ZNF407: variants seen among roughly 807,000 people sequenced by gnomAD.
The protein encoded by ZNF407 is zinc finger protein 407.
Under a neutral mutation model 131.2 loss-of-function variants are expected in ZNF407, and 17 were observed. The ratio of observed to expected loss-of-function variants is 0.13; its 90% CI spans 0.09 to 0.19. The LOEUF (loss-of-function observed/expected upper bound fraction) is 0.19, where lower values mean the gene tolerates loss of function less well. ZNF407 is among the 10% of genes least tolerant of loss of function. The pLI is 1.00. For synonymous variants in ZNF407, 1,156 were observed against 1,062.0 expected (o/e 1.09, Z -1.72); for missense variants, 2,681 against 2,830.6 (o/e 0.95, Z 1.20).
chr18:74,826,281 A>G (rs912384149), intron 4 of ZNF407, among the ~76,000 whole-genome samples: 7 of 151,584 alleles, frequency 4.6e-5, no homozygotes, highest in Non-Finnish European at 5.9e-5. Context: ...AACTGATAGG[A>G]GAGAGAGAGA....
rs116528969 is a variant in ZNF407, at chr18:74,820,968, C to A, written c.4877+39466C>A. Among the ~76,000 whole-genome samples the A allele has an allele frequency of 3.2e-3, 480 of 152,174 alleles. 6 individuals carry two copies. The highest frequency in any genetic ancestry group is 0.011 in the African/African-American group (451 of 41,528). ...GCACATGGTAGCAGACAGCACCAGT[C>A]GTAGGCAGAAGGCTAAGAATGCTTA... On this transcript the variant is annotated intron_variant, in intron 4 of 8. Transcript: ENST00000299687.
At chr18:74,686,208 T>G (rs969916460) in intron 3 of ZNF407, among the ~76,000 whole-genome samples, 3 of 152,210 alleles carry the variant, frequency 2.0e-5, no homozygotes, top group African/African-American at 7.2e-5. Context: ...TCCCTAGACT[T>G]TCTTTCTGGG....
chr18:74,679,825 T>G (rs905510884), intron 3 of ZNF407, among the ~76,000 whole-genome samples: 2 of 152,208 alleles, frequency 1.3e-5, no homozygotes, highest in African/African-American at 4.8e-5. Context: ...AACCCCACAG[T>G]TGTCTGTTTT....
At chr18:74,753,036 C>T (rs1968844265) in intron 3 of ZNF407, among the ~76,000 whole-genome samples, 1 of 152,046 alleles carries the variant, frequency 6.6e-6, no homozygotes, top group Non-Finnish European at 1.5e-5. Flanking sequence ...TTGTTTGTGT[C>T]CTCTTTTATT....
intron 4 of ZNF407, among the ~76,000 whole-genome samples, chr18:74,849,375 G>A (rs1970749699): frequency 6.6e-6 from 1 of 152,108 alleles, no homozygotes; most frequent in Non-Finnish European, 1.5e-5. Flanking sequence ...ACTGCACCCC[G>A]CCGTTTCTTT....
chr18:74,994,761 T>C (rs1022426874), intron 8 of ZNF407, among the ~76,000 whole-genome samples: 1 of 151,868 alleles, frequency 6.6e-6, no homozygotes, highest in African/African-American at 2.4e-5. Context: ...ACAGGAAGAA[T>C]AGATGATGGA....
intron 8 of ZNF407, among the ~76,000 whole-genome samples, chr18:74,983,915 G>T (rs1972622790): frequency 6.6e-6 from 1 of 152,208 alleles, no homozygotes; most frequent in African/African-American, 2.4e-5. Flanking sequence ...TAGCAAAGAT[G>T]AAGGGGAAAG....
rs148569714 is a variant in ZNF407 at position 74,897,808 on chromosome 18, A to G, written c.5249+7770A>G. Among the ~76,000 whole-genome samples the G allele has an allele frequency of 4.3e-3, 662 of 152,330 alleles. 5 individuals are homozygous for G. The highest frequency in any genetic ancestry group is 0.015 in the African/African-American group (632 of 41,580). ...TCTCCAGGAGGAGCTGACAGAAGTCACCTATGCATCCCTACAGTGTGGGGT... is the reference window on the plus strand; with the variant it reads ...TCTCCAGGAGGAGCTGACAGAAGTCGCCTATGCATCCCTACAGTGTGGGGT... On this transcript the variant is annotated intron_variant, in intron 7 of 8. Transcript: ENST00000299687.
At chr18:74,808,884 A>G (rs1238209222) in intron 4 of ZNF407, among the ~76,000 whole-genome samples, 8 of 152,192 alleles carry the variant, frequency 5.3e-5, no homozygotes, top group Admixed American at 6.5e-5. Context: ...AAAATATTAA[A>G]TTATATCAGA....
intron 8 of ZNF407, among the ~76,000 whole-genome samples, chr18:74,976,131 A>T (rs1972525747): frequency 6.6e-6 from 1 of 152,190 alleles, no homozygotes; most frequent in Admixed American, 6.5e-5. Flanking sequence ...ATGGAAGTAG[A>T]GCAGCTTGCA....
rs377508282 is a variant in ZNF407 at position 74,633,395 on chromosome 18, C to T, written c.2376C>T (p.Ser792=). ...ANDKKEEFDV[S]GNGRIEGHIG... is the part of the protein sequence containing the mutation. ...ATAAAAAAGAAGAGTTTGATGTTTC[C>T]GGAAATGGAAGGATTGAAGGCCATA... is the stretch of plus-strand genomic sequence containing the variant. The change falls in exon 2 of 9, where the codon TCC becomes TCT. Residue 792 remains serine, a synonymous_variant. Coordinates refer to ENST00000299687, the MANE Select transcript of ZNF407 (RefSeq NM_017757.3). 70 of 1,613,676 alleles carry T rather than the reference C, an allele frequency of 4.3e-5. No individual in the cohort carries two copies. The highest frequency in any genetic ancestry group is 2.2e-4 in the Admixed American group (13 of 59,998).
intron 7 of ZNF407, among the ~76,000 whole-genome samples, chr18:74,914,018 C>T (rs1208442854): frequency 6.6e-6 from 1 of 152,176 alleles, no homozygotes; most frequent in Admixed American, 6.5e-5. Flanking sequence ...TTCTGTACGT[C>T]AAAGCTGCTC....
At position 75,043,683 on chromosome 18, in the gene ZNF407, G is replaced by C. The variant is rs532507094; in HGVS notation, c.5429-19467G>C. Among the ~76,000 whole-genome samples, 153 of 152,326 alleles carry C rather than the reference G, an allele frequency of 1.0e-3. 1 individual carries two copies. The highest frequency in any genetic ancestry group is 3.5e-3 in the African/African-American group (146 of 41,584). On this transcript the variant is annotated intron_variant, in intron 8 of 8. Transcript: ENST00000299687. ...TGCCGTGTTGTCTTAAAGCAGCAAA[G>C]TTTGGGTTTGCTTCTGTAGCAGCCA... is the stretch of plus-strand genomic sequence containing the variant.
In ZNF407 at chr18:74,631,209, A is replaced by G. The variant is rs758054509; in HGVS notation, c.190A>G (p.Ile64Val). Reference protein sequence around the residue: ...SESSNSDSVVIGEDRNKHASK... With the variant: ...SESSNSDSVVVGEDRNKHASK... Reference sequence around the variant, plus strand: ...ATCATCGAACTCTGATAGTGTTGTTATAGGAGAAGACAGAAATAAACATGC... The same window carrying G: ...ATCATCGAACTCTGATAGTGTTGTTGTAGGAGAAGACAGAAATAAACATGC... The change falls in exon 2 of 9, where the codon ATA (isoleucine) becomes GTA (valine). Residue 64 changes from isoleucine to valine, a missense_variant. Around this residue, in one of 6 missense-constraint regions of ZNF407, gnomAD observed 1,789 missense variants for 1,748.7 expected, o/e 1.02. Coordinates refer to ENST00000299687, the MANE Select transcript of ZNF407 (RefSeq NM_017757.3). 1.9e-6 allele frequency: 3 copies of G among 1,614,026 alleles called. No individual in the cohort carries two copies. The highest frequency in any genetic ancestry group is 2.5e-6 in the Non-Finnish European group (3 of 1,179,886).
At chr18:74,676,663 T>G (rs1038169913) in intron 3 of ZNF407, among the ~76,000 whole-genome samples, 3 of 151,950 alleles carry the variant, frequency 2.0e-5, no homozygotes, top group African/African-American at 2.4e-5. Context: ...CTCGATCTCC[T>G]GACCTCGTGA....
At chr18:74,615,927 G>A (rs1252085699) in intron 1 of ZNF407, among the ~76,000 whole-genome samples, 1 of 151,920 alleles carries the variant, frequency 6.6e-6, no homozygotes, top group African/African-American at 2.4e-5. Flanking sequence ...GCAATGGCAT[G>A]ATCTCGGCTC....
At position 74,927,500 on chromosome 18, in the gene ZNF407, C is replaced by T. The variant is rs530444452; in HGVS notation, c.5428+6808C>T. Among the ~76,000 whole-genome samples, 10 of 152,322 alleles carry T rather than the reference C, an allele frequency of 6.6e-5. No homozygotes were observed. In the East Asian group the frequency reaches 1.2e-3, roughly 18 times the overall value. On this transcript the variant is annotated intron_variant, in intron 8 of 8. Coordinates refer to ENST00000299687, the MANE Select transcript of ZNF407 (RefSeq NM_017757.3). ...CCTAGTACAGAGCCTGTGGCACAGA[C>T]GGATGGATGGAGTCAAATGAACTAG... is the stretch of plus-strand genomic sequence containing the variant.
At chr18:74,623,831 G>A (rs1168535873) in intron 1 of ZNF407, among the ~76,000 whole-genome samples, 1 of 152,092 alleles carries the variant, frequency 6.6e-6, no homozygotes, top group African/African-American at 2.4e-5. Context: ...AAGCTACATG[G>A]AGCTTATGTT....
At chr18:74,854,719 A>G (rs1401016642) in intron 4 of ZNF407, among the ~76,000 whole-genome samples, 1 of 152,080 alleles carries the variant, frequency 6.6e-6, no homozygotes, top group East Asian at 1.9e-4. Flanking sequence ...CACTACACAG[A>G]CACACACACA....
Sources: gnomAD v4.1 joint callset for allele counts (sites outside exome capture counted in the v4.1 genomes callset) on GRCh38, gnomAD v4.1.1 for gene constraint, gnomAD v4.1.1 regional missense constraint, MANE v1.5 for transcripts, NCBI Gene and HGNC (gene_info 2026-07-23, HGNC 2026-07-21) for gene names.